The following FRMPD4 variants were observed in gnomAD, a reference collection of about 807,000 sequenced individuals.
FRMPD4 encodes FERM and PDZ domain-containing protein 4.
Under a neutral mutation model 94.1 loss-of-function variants are expected in FRMPD4, and 22 were observed. The observed-to-expected ratio is 0.23, with a 90% CI of 0.17 to 0.33. The LOEUF (loss-of-function observed/expected upper bound fraction) is 0.33, where lower values mean the gene tolerates loss of function less well. FRMPD4 is among the 10% of genes least tolerant of loss of function. The pLI is 1.00. For missense variants in FRMPD4, 1,111 were observed against 1,339.9 expected, an observed-to-expected ratio of 0.83 and a Z score of 2.67; for synonymous variants, 631 against 548.6, an observed-to-expected ratio of 1.15 and a Z score of -2.10.
chrX:12,226,013 C>T (rs1045990406), intron 1 of FRMPD4, among the ~76,000 whole-genome samples: 1 of 111,893 alleles, frequency 8.9e-6, no homozygotes, highest in Non-Finnish European at 1.9e-5. Context: ...AAAATGAAAA[C>T]GGTGCCTGGC....
At chrX:12,166,167 G>A (rs1457966055) in intron 1 of FRMPD4, among the ~76,000 whole-genome samples, 3 of 111,911 alleles carry the variant, frequency 2.7e-5, no homozygotes, top group Non-Finnish European at 5.6e-5. Flanking sequence ...TGTCCATTCA[G>A]TATGATATTG....
chrX:12,573,480 C>T (rs78609258), intron 2 of FRMPD4, among the ~76,000 whole-genome samples: 1,526 of 111,927 alleles, frequency 0.014, 16 homozygotes, highest in Middle Eastern at 0.028. Flanking sequence ...AGACCAAGTC[C>T]CCAAAACTGT....
intron 3 of FRMPD4, among the ~76,000 whole-genome samples, chrX:12,012,591 A>G (rs2054586572): frequency 8.9e-6 from 1 of 111,972 alleles, no homozygotes; most frequent in Non-Finnish European, 1.9e-5. Flanking sequence ...AGAATCTTCT[A>G]TCTCTGGAAA....
In FRMPD4 at chrX:12,613,169, C is replaced by T. The variant is rs762025099; in HGVS notation, c.320-1610C>T. ...TTAAAATTATAGTACCATATGCTAC[C>T]GTATCAATATTTGGGAGGTAATTGC... On this transcript the variant is annotated intron_variant, in intron 3 of 16. Transcript: ENST00000675598. Among the ~76,000 whole-genome samples, 39 of 112,089 alleles carry T rather than the reference C, an allele frequency of 3.5e-4. No homozygotes were observed. The South Asian group carries it at 0.014, about 41-fold the overall frequency.
At chrX:12,042,766 G>A (rs1411065324) in intron 3 of FRMPD4, among the ~76,000 whole-genome samples, 2 of 111,891 alleles carry the variant, frequency 1.8e-5, no homozygotes, top group Non-Finnish European at 3.8e-5. Flanking sequence ...CCATGTCCTT[G>A]TGAAATTTGT....
chrX:12,376,516 G>A (rs1264034908), intron 1 of FRMPD4, among the ~76,000 whole-genome samples: 1 of 112,624 alleles, frequency 8.9e-6, no homozygotes, highest in African/African-American at 3.2e-5. Context: ...TTTTTAACCT[G>A]TCAATTTACC....
chrX:12,028,504 G>A (rs375931696), intron 3 of FRMPD4, among the ~76,000 whole-genome samples: 8 of 110,021 alleles, frequency 7.3e-5, no homozygotes, highest in African/African-American at 2.7e-4. Context: ...CAAAGCCTAT[G>A]TTTTATATTA....
intron 1 of FRMPD4, among the ~76,000 whole-genome samples, chrX:12,491,206 T>C (rs1282190031): frequency 9.0e-6 from 1 of 111,087 alleles, no homozygotes; most frequent in Non-Finnish European, 1.9e-5. Context: ...ATCCTAAGTA[T>C]GAAAGTAATA....
chrX:12,414,340 A>C (rs1455611456), intron 1 of FRMPD4, among the ~76,000 whole-genome samples: 1 of 112,393 alleles, frequency 8.9e-6, no homozygotes, highest in East Asian at 2.8e-4. Flanking sequence ...CATTGATTCA[A>C]CATGAAATTT....
chrX:12,235,227 G>C (rs756765454), intron 1 of FRMPD4, among the ~76,000 whole-genome samples: 1 of 111,941 alleles, frequency 8.9e-6, no homozygotes, highest in Non-Finnish European at 1.9e-5. Context: ...CGTCCCTTCT[G>C]GGGGAGATGT....
chrX:11,955,881 T>A, intron 3 of FRMPD4, among the ~76,000 whole-genome samples: 1 of 111,953 alleles, frequency 8.9e-6, no homozygotes, highest in Non-Finnish European at 1.9e-5. Context: ...ACTCCACAGA[T>A]GACAAAATTA....
chrX:12,508,408 C>G (rs931922245), intron 2 of FRMPD4, among the ~76,000 whole-genome samples: 2 of 112,176 alleles, frequency 1.8e-5, no homozygotes, highest in Admixed American at 9.4e-5. Flanking sequence ...GGTTTTGGTC[C>G]AGAAATTACT....
intron 3 of FRMPD4, among the ~76,000 whole-genome samples, chrX:12,015,988 T>C (rs1171117142): frequency 8.9e-6 from 1 of 112,593 alleles, no homozygotes; most frequent in Non-Finnish European, 1.9e-5. Context: ...TTCATTGCCA[T>C]TTTCTTTTCA....
intron 1 of FRMPD4, among the ~76,000 whole-genome samples, chrX:12,309,366 T>TA (rs762254895): frequency 1.6e-4 from 17 of 108,970 alleles, no homozygotes; most frequent in East Asian, 1.4e-3. Flanking sequence ...TTAAAAAAAA[T>TA]AAAAAAAAAG....
chrX:11,945,702 T>C (rs1353792781), intron 3 of FRMPD4, among the ~76,000 whole-genome samples: 2 of 111,041 alleles, frequency 1.8e-5, no homozygotes, highest in Non-Finnish European at 3.8e-5. Context: ...CAGGCTCCTT[T>C]TAACAACCAG....
chrX:12,100,735 A>G (rs867301879), intron 3 of FRMPD4, among the ~76,000 whole-genome samples: 2 of 111,906 alleles, frequency 1.8e-5, no homozygotes, highest in Middle Eastern at 4.6e-3. Context: ...TCCACTCTCA[A>G]GCTCTCCCCT....
At chrX:12,532,673 A>G (rs1183078204) in intron 2 of FRMPD4, among the ~76,000 whole-genome samples, 4 of 112,080 alleles carry the variant, frequency 3.6e-5, no homozygotes, top group Non-Finnish European at 7.5e-5. Flanking sequence ...GAGTACATCT[A>G]TTTATTATAG....
At chrX:11,960,241 G>T (rs1304264078) in intron 3 of FRMPD4, among the ~76,000 whole-genome samples, 1 of 111,983 alleles carries the variant, frequency 8.9e-6, no homozygotes, top group African/African-American at 3.3e-5. Context: ...TTCCTTTCCA[G>T]CTTGTGTGTA....
chrX:12,127,987 C>A (rs2055515262), intron 3 of FRMPD4, among the ~76,000 whole-genome samples: 2 of 112,962 alleles, frequency 1.8e-5, no homozygotes, highest in Admixed American at 1.9e-4. Flanking sequence ...AGACCTTGGG[C>A]AGCTCCACCC....
Sources: allele counts gnomAD v4.1 joint callset (sites outside exome capture counted in the v4.1 genomes callset), GRCh38; gene constraint gnomAD v4.1.1; transcripts MANE v1.5; gene names NCBI Gene and HGNC (gene_info 2026-07-23, HGNC 2026-07-21).